The following NHSL1 variants were observed in gnomAD, a reference collection of about 807,000 sequenced individuals.
NHSL1 encodes the protein NHS-like protein 1.
NHSL1 carries 48 observed loss-of-function variants against 95.0 expected under a neutral mutation model. The ratio of observed to expected loss-of-function variants is 0.51; its 90% CI spans 0.40 to 0.64. The LOEUF is 0.64. NHSL1 is among the 30% of genes least tolerant of loss of function. The pLI is 0.00. For synonymous variants in NHSL1, 783 were observed against 833.9 expected (o/e 0.94, Z 1.05); for missense variants, 1,971 against 2,077.7 (o/e 0.95, Z 1.00).
chr6:138,464,705 T>TTTC (rs1778233443), intron 3 of NHSL1, among the ~76,000 whole-genome samples: 3 of 144,510 alleles, frequency 2.1e-5, no homozygotes, highest in Admixed American at 7.2e-5. Context: ...TTCACTTTTT[T>TTTC]TTTTCTTTTC....
In NHSL1 at chr6:138,424,484, C is replaced by G; in HGVS notation, c.4418G>C (p.Arg1473Thr). ...CTTGGCCCACTCCTCCTGCGCCCTT[C>G]TGTTCTTGCTTGGGGAGCAGCTTGA... is the stretch of plus-strand genomic sequence containing the variant. Reference protein sequence around the residue: ...SPSSCSPSKNRRAQEEWAKNE... With the variant: ...SPSSCSPSKNTRAQEEWAKNE... The change falls in exon 8 of 8, where the codon AGA (arginine) becomes ACA (threonine). Residue 1473 changes from arginine to threonine, a missense_variant. By Grantham distance (71) the Arg-to-Thr change is moderately conservative. Transcript: ENST00000343505. This position sits in a 1 kb window ranked among gnomAD's most constrained non-coding sequence, Gnocchi z 5.9. The G allele has an allele frequency of 6.4e-7, 1 of 1,551,666 alleles. No individual in the cohort carries two copies. Among genetic ancestry groups the G allele is most frequent in the Non-Finnish European group, 8.7e-7 (1 of 1,146,998 alleles).
intron 1 of NHSL1, among the ~76,000 whole-genome samples, chr6:138,636,040 T>C (rs1385418763): frequency 2.7e-5 from 4 of 150,676 alleles, no homozygotes. Context: ...GAACAATCAC[T>C]TGAACCCAGG....
At chr6:138,612,333 C>A (rs2114601563) in intron 1 of NHSL1, among the ~76,000 whole-genome samples, 1 of 152,066 alleles carries the variant, frequency 6.6e-6, no homozygotes, top group South Asian at 2.1e-4. Flanking sequence ...AATTTTAATA[C>A]CCAAAAAACA....
At position 138,432,498 on chromosome 6, in the gene NHSL1, CCAGAGT is replaced by C; in HGVS notation, c.1841_1846del (p.Asp614_Ser615del). ...ATTGCACAGATTCCCAGATCCATGT[CCAGAGT>C]CAGTGTGCACAGATGCACAGTAGCC... On this transcript the variant is annotated inframe_deletion, in exon 6 of 8. Transcript: ENST00000343505. The surrounding 1 kb of genome is among the most constrained non-coding windows in gnomAD (Gnocchi z 4.4). 6.4e-7 allele frequency: 1 copy of C among 1,552,198 alleles called. No homozygotes were observed. Among genetic ancestry groups the C allele is most frequent in the South Asian group, 1.2e-5 (1 of 84,062 alleles).
At chr6:138,495,925 A>C (rs922757146) in intron 2 of NHSL1, among the ~76,000 whole-genome samples, 2 of 152,154 alleles carry the variant, frequency 1.3e-5, no homozygotes, top group African/African-American at 4.8e-5. Context: ...CATGAGACTC[A>C]TTCACTATCA....
chr6:138,440,700 AG>A (rs1159690205), intron 5 of NHSL1, among the ~76,000 whole-genome samples: 2 of 152,262 alleles, frequency 1.3e-5, no homozygotes, highest in East Asian at 3.8e-4. Flanking sequence ...CTCTAATACA[AG>A]GCATTCAATC....
chr6:138,582,692 G>A (rs1784079703), intron 1 of NHSL1, among the ~76,000 whole-genome samples: 1 of 152,140 alleles, frequency 6.6e-6, no homozygotes, highest in Non-Finnish European at 1.5e-5. Context: ...TGGGAACTGG[G>A]TGACCTGCTT....
chr6:138,488,440 C>T (rs1191292073), intron 2 of NHSL1, among the ~76,000 whole-genome samples: 1 of 152,184 alleles, frequency 6.6e-6, no homozygotes, highest in Non-Finnish European at 1.5e-5. Context: ...AAATGTTTAT[C>T]TTTCCTTCCC....
At chr6:138,505,257 G>T (rs1032778383) in intron 1 of NHSL1, among the ~76,000 whole-genome samples, 5 of 152,130 alleles carry the variant, frequency 3.3e-5, no homozygotes, top group African/African-American at 1.2e-4. Context: ...ACTAAAAAGG[G>T]TCATTTTCAA....
intron 1 of NHSL1, among the ~76,000 whole-genome samples, chr6:138,506,354 A>G (rs1451216420): frequency 1.3e-5 from 2 of 152,234 alleles, no homozygotes; most frequent in Non-Finnish European, 2.9e-5. Context: ...GTTTTGAATT[A>G]TTATTCAAAC....
At chr6:138,622,064 A>G (rs1784671428) in intron 1 of NHSL1, among the ~76,000 whole-genome samples, 1 of 152,236 alleles carries the variant, frequency 6.6e-6, no homozygotes, top group East Asian at 1.9e-4. Flanking sequence ...GGGCATTCAA[A>G]AAAAGCTAGC....
intron 1 of NHSL1, among the ~76,000 whole-genome samples, chr6:138,687,966 T>TGG (rs1405764574): frequency 1.8e-4 from 27 of 151,862 alleles, no homozygotes; most frequent in African/African-American, 6.0e-4. Flanking sequence ...TTTTTTTTTT[T>TGG]GGGGACACAG....
intron 3 of NHSL1, among the ~76,000 whole-genome samples, chr6:138,468,585 A>C (rs1343820334): frequency 6.6e-6 from 1 of 152,136 alleles, no homozygotes; most frequent in Non-Finnish European, 1.5e-5. Flanking sequence ...ACTCTAACTA[A>C]TGTCTGATGA....
chr6:138,608,042 G>A (rs1784458125), intron 1 of NHSL1, among the ~76,000 whole-genome samples: 1 of 152,194 alleles, frequency 6.6e-6, no homozygotes, highest in Non-Finnish European at 1.5e-5. Context: ...CTGTCTAGCT[G>A]CAGGACCAAG....
rs150983006 is a variant in NHSL1 at position 138,592,764 on chromosome 6, G to A, written c.97-96393C>T. On this transcript the variant is annotated intron_variant, in intron 1 of 3. Transcript: ENST00000491526. ...CTGGTCTAAATATTTTCTAAATATC[G>A]TAAGACATATGAAACAGGGTGGCTA... Among the ~76,000 whole-genome samples the A allele has an allele frequency of 1.5e-3, 221 of 152,200 alleles. 1 individual carries two copies. Among genetic ancestry groups the A allele is most frequent in the Middle Eastern group, 6.8e-3 (2 of 294 alleles).
chr6:138,437,439 C>CAAAAA (rs1562270875), intron 5 of NHSL1, among the ~76,000 whole-genome samples: 1 of 33,796 alleles, frequency 3.0e-5, no homozygotes, highest in Admixed American at 2.6e-4. Context: ...CACACACACA[C>CAAAAA]ACACACAAAA....
chr6:138,632,583 A>C (rs1482945705), intron 1 of NHSL1, among the ~76,000 whole-genome samples: 1 of 152,194 alleles, frequency 6.6e-6, no homozygotes, highest in Non-Finnish European at 1.5e-5. Context: ...TAATGCAAAG[A>C]ATTCTTCCAG....
rs1774987758 is a variant in NHSL1 at position 138,422,591 on chromosome 6, A to G, written c.*1490T>C. ...CTTCTAATGAAGAAGACAATACTCT[A>G]GTTTATTTAACAAATAAAGGAGTCT... On this transcript the variant is annotated 3_prime_UTR_variant, in exon 8 of 8. Coordinates refer to ENST00000343505, the MANE Select transcript of NHSL1 (RefSeq NM_001144060.2). 6.6e-6 allele frequency: 1 copy of G among 152,200 alleles called. No homozygotes were observed. Among genetic ancestry groups the G allele is most frequent in the Admixed American group, 6.5e-5 (1 of 15,278 alleles). 9.4% of individuals were successfully genotyped at this position (152,200 alleles called of 1,614,324 possible).
At chr6:138,536,187 G>A (rs370927011) in intron 1 of NHSL1, among the ~76,000 whole-genome samples, 1 of 152,210 alleles carries the variant, frequency 6.6e-6, no homozygotes, top group African/African-American at 2.4e-5. Context: ...CCAGCTCATA[G>A]ACACTTTATC....
Sources: allele counts gnomAD v4.1 joint callset (sites outside exome capture counted in the v4.1 genomes callset), GRCh38; gene constraint gnomAD v4.1.1; non-coding constraint Gnocchi (gnomAD v3.1); transcripts MANE v1.5; gene names NCBI Gene and HGNC (gene_info 2026-07-23, HGNC 2026-07-21).